ACSBG2: variants seen among roughly 807,000 people sequenced by gnomAD.
ACSBG2 encodes the protein acyl-CoA synthetase bubblegum family member 2, also known as long-chain-fatty-acid--CoA ligase ACSBG2.
A neutral mutation model predicts 74.7 loss-of-function variants in ACSBG2; 62 were observed. The observed-to-expected ratio is 0.83, with a 90% CI of 0.68 to 1.03. The LOEUF (loss-of-function observed/expected upper bound fraction) is 1.03, where lower values mean the gene tolerates loss of function less well. Ranked by LOEUF, ACSBG2 falls within the 50% of genes least tolerant of loss-of-function variation. The pLI, the probability that ACSBG2 is intolerant of heterozygous loss-of-function variation, is 0.00. For synonymous variants in ACSBG2, 309 were observed against 294.1 expected (o/e 1.05, Z -0.52); for missense variants, 730 against 817.6 (o/e 0.89, Z 1.31).
intron 10 of ACSBG2, among the ~76,000 whole-genome samples, chr19:6,184,336 C>T (rs2059342184): frequency 6.6e-6 from 1 of 152,138 alleles, no homozygotes; most frequent in South Asian, 2.1e-4. Context: ...TTTGTGGTCA[C>T]AAATTTAGAT....
intron 6 of ACSBG2, among the ~76,000 whole-genome samples, chr19:6,163,783 CA>C (rs1278911071): frequency 0.058 from 4,725 of 81,026 alleles, 261 homozygotes; most frequent in African/African-American, 0.16. Context: ...AAATAAAATA[CA>C]AAAAAAAAAA....
intron 7 of ACSBG2, 68 bp from the exon 8 acceptor site, chr19:6,177,161 T>C: frequency 4.5e-6 from 7 of 1,549,074 alleles, no homozygotes; most frequent in Non-Finnish European, 6.1e-6. Flanking sequence ...GAAAAATAAA[T>C]AAAAATTTAA....
intron 7 of ACSBG2, 107 bp from the exon 8 acceptor site, chr19:6,177,122 C>T (rs2090108325): frequency 8.0e-7 from 1 of 1,253,836 alleles, no homozygotes; most frequent in Admixed American, 2.4e-5. Context: ...GATCACACCA[C>T]TGCACTCCAG....
intron 5 of ACSBG2, 87 bp from the exon 6 acceptor site, chr19:6,161,127 TG>T: frequency 9.5e-7 from 1 of 1,052,722 alleles, no homozygotes; most frequent in Non-Finnish European, 1.4e-6. Context: ...CTAGAGTTGC[TG>T]GAGAGAGCTT....
intron 13 of ACSBG2, chr19:6,190,121 A>C (rs2090522329): frequency 5.9e-6 from 1 of 170,622 alleles, no homozygotes; most frequent in Admixed American, 5.6e-5. Context: ...AGACACCCAG[A>C]GGGGCTTCAA....
chr19:6,169,561 A>G (rs2089906816), intron 7 of ACSBG2, among the ~76,000 whole-genome samples: 1 of 151,946 alleles, frequency 6.6e-6, no homozygotes, highest in Admixed American at 6.6e-5. Context: ...GGATTGCTCT[A>G]TTTGGGCTTT....
chr19:6,142,543 G>A (rs1371265211), intron 2 of ACSBG2, among the ~76,000 whole-genome samples: 1 of 152,006 alleles, frequency 6.6e-6, no homozygotes, highest in African/African-American at 2.4e-5. Flanking sequence ...ACGAGGTCAG[G>A]AGATCGAGAC....
intron 14 of ACSBG2, chr19:6,192,071 CAAAAAAAAAAAAAA>C (rs397859531): frequency 3.5e-5 from 2 of 57,476 alleles, no homozygotes; most frequent in African/African-American, 1.7e-4. Context: ...AGCACAGCAC[CAAAAAAAAAAAAAA>C]AAAAAAAAAA....
intron 3 of ACSBG2, among the ~76,000 whole-genome samples, chr19:6,149,774 C>T (rs12971811): frequency 2.1e-5 from 3 of 144,406 alleles, no homozygotes; most frequent in Admixed American, 6.7e-5. Flanking sequence ...TCCCAAAGTG[C>T]TGGGATTACA....
At chr19:6,149,247 C>T (rs1236305792) in intron 3 of ACSBG2, among the ~76,000 whole-genome samples, 2 of 152,168 alleles carry the variant, frequency 1.3e-5, no homozygotes, top group Non-Finnish European at 2.9e-5. Context: ...ATAAAGCCAG[C>T]CTTTTGGTTA....
At chr19:6,187,884 G>A in intron 13 of ACSBG2, 39 bp downstream of exon 13, 2 of 1,605,572 alleles carry the variant, frequency 1.2e-6, no homozygotes, top group East Asian at 2.2e-5. Context: ...TCCCTTGTTA[G>A]CATCTGGGAC....
chr19:6,190,775 A>T (rs2145297226), intron 14 of ACSBG2, 83 bp downstream of exon 14: 20 of 699,078 alleles, frequency 2.9e-5, no homozygotes, highest in Non-Finnish European at 3.5e-5. Context: ...CAGATCTGTG[A>T]CTGGAACTGC....
intron 6 of ACSBG2, 35 bp from the exon 7 acceptor site, chr19:6,165,831 C>T: frequency 6.2e-7 from 1 of 1,611,818 alleles, no homozygotes; most frequent in Non-Finnish European, 8.5e-7. Flanking sequence ...CTCCCGACTG[C>T]CTTCTCATCC....
At chr19:6,149,860 G>T (rs1270840427) in intron 3 of ACSBG2, among the ~76,000 whole-genome samples, 1 of 142,374 alleles carries the variant, frequency 7.0e-6, no homozygotes, top group Non-Finnish European at 1.5e-5. Flanking sequence ...ACAGGCGTGA[G>T]CCACCACACC....
At chr19:6,153,860 A>C (rs1297904457) in intron 4 of ACSBG2, among the ~76,000 whole-genome samples, 3 of 89,746 alleles carry the variant, frequency 3.3e-5, no homozygotes, top group African/African-American at 2.6e-4. Context: ...AAATAAAAGT[A>C]AAGAAAAGAA....
intron 8 of ACSBG2, among the ~76,000 whole-genome samples, chr19:6,182,379 A>T (rs1440212130): frequency 6.6e-6 from 1 of 152,182 alleles, no homozygotes; most frequent in African/African-American, 2.4e-5. Context: ...AGCTGTTTCC[A>T]TTCTGTTACA....
At chr19:6,177,909 T>A (rs887019688) in intron 8 of ACSBG2, among the ~76,000 whole-genome samples, 1 of 151,582 alleles carries the variant, frequency 6.6e-6, no homozygotes, top group Non-Finnish European at 1.5e-5. Context: ...TGTGTGTGTG[T>A]GTGTGTTTAT....
intron 7 of ACSBG2, among the ~76,000 whole-genome samples, chr19:6,168,744 T>TTAAG (rs771766416): frequency 2.1e-4 from 32 of 151,624 alleles, no homozygotes; most frequent in Non-Finnish European, 4.0e-4. Flanking sequence ...TTTTTTCTTA[T>TTAAG]TAAGTTCCTT....
intron 6 of ACSBG2, among the ~76,000 whole-genome samples, chr19:6,162,973 G>A (rs143495897): frequency 2.7e-3 from 416 of 152,064 alleles, no homozygotes; most frequent in Non-Finnish European, 4.1e-3. Flanking sequence ...GCAAGGGAGA[G>A]TAGAACCTAC....
Sources: gnomAD v4.1 joint callset for allele counts (sites outside exome capture counted in the v4.1 genomes callset) on GRCh38, gnomAD v4.1.1 for gene constraint, MANE v1.5 for transcripts, NCBI Gene and HGNC (gene_info 2026-07-23, HGNC 2026-07-21) for gene names.